FGGY: variants seen among roughly 807,000 people sequenced by gnomAD.
FGGY encodes FGGY carbohydrate kinase domain-containing protein.
Under a neutral mutation model 71.3 loss-of-function variants are expected in FGGY, and 72 were observed. The ratio of observed to expected loss-of-function variants is 1.01; its 90% CI spans 0.84 to 1.23. The LOEUF (loss-of-function observed/expected upper bound fraction) is 1.23, where lower values mean the gene tolerates loss of function less well. Among genes scored for constraint, FGGY ranks in the 50% most tolerant of loss-of-function variants. The probability of loss-of-function intolerance (pLI) is 0.00; values close to 1 mark genes in which losing one functional copy is unlikely to be tolerated. For synonymous variants in FGGY, 251 were observed against 250.3 expected, an observed-to-expected ratio of 1.00 and a Z score of -0.02; for missense variants, 668 against 682.3, an observed-to-expected ratio of 0.98 and a Z score of 0.23.
chr1:59,396,068 T>C (rs1487661687), intron 5 of FGGY, among the ~76,000 whole-genome samples: 2 of 152,204 alleles, frequency 1.3e-5, no homozygotes, highest in Non-Finnish European at 2.9e-5. Context: ...ATGCAAATTC[T>C]GTGGCCTCAC....
At chr1:59,356,612 G>A (rs1050125720) in intron 4 of FGGY, among the ~76,000 whole-genome samples, 5 of 152,100 alleles carry the variant, frequency 3.3e-5, no homozygotes, top group African/African-American at 1.2e-4. Context: ...TATTTTGATG[G>A]GTGGATGAAT....
At chr1:59,429,343 A>G (rs1240035921) in intron 5 of FGGY, among the ~76,000 whole-genome samples, 2 of 152,150 alleles carry the variant, frequency 1.3e-5, no homozygotes, top group Admixed American at 6.5e-5. Context: ...TCTTCGGAGG[A>G]CAAGTGGGAT....
At chr1:59,299,310 G>A (rs777957379) in intron 1 of FGGY, among the ~76,000 whole-genome samples, 4 of 152,238 alleles carry the variant, frequency 2.6e-5, no homozygotes, top group South Asian at 4.1e-4. Context: ...GGAGGCTGGG[G>A]AGGGTGAAGG....
At chr1:59,379,464 TA>T (rs2059113181) in intron 5 of FGGY, among the ~76,000 whole-genome samples, 1 of 152,070 alleles carries the variant, frequency 6.6e-6, no homozygotes, top group Non-Finnish European at 1.5e-5. Context: ...ATGTAAAAGA[TA>T]AAAAGTAGTA....
chr1:59,404,227 G>A (rs1026650667), intron 5 of FGGY, among the ~76,000 whole-genome samples: 17 of 152,056 alleles, frequency 1.1e-4, no homozygotes, highest in African/African-American at 4.1e-4. Flanking sequence ...CCACAGGAGG[G>A]AGAGCATCAG....
chr1:59,320,133 A>G (rs2046137650), intron 1 of FGGY, among the ~76,000 whole-genome samples: 2 of 152,228 alleles, frequency 1.3e-5, no homozygotes, highest in Non-Finnish European at 2.9e-5. Context: ...TTACTTCTGC[A>G]GCTTCTCCAT....
chr1:59,632,601 A>G (rs760870205), intron 10 of FGGY, among the ~76,000 whole-genome samples: 3 of 152,242 alleles, frequency 2.0e-5, no homozygotes, highest in African/African-American at 4.8e-5. Context: ...AAAAAGGACA[A>G]TAACATTTAT....
intron 8 of FGGY, among the ~76,000 whole-genome samples, chr1:59,589,247 T>A (rs1478852704): frequency 6.6e-6 from 1 of 152,174 alleles, no homozygotes; most frequent in Non-Finnish European, 1.5e-5. Flanking sequence ...CCATCCTAAA[T>A]ATATATGCAC....
Position 59,641,427 on chromosome 1 carries a change from G to A in FGGY, c.1221+3052G>A, listed in dbSNP as rs1052308421. The A allele has an allele frequency of 3.3e-6, 4 of 1,211,356 alleles. No individual in the cohort carries two copies. In the African/African-American group the frequency reaches 4.7e-5, roughly 14 times the overall value. The allele number at this position is 1,211,356 out of a possible 1,614,324, so 75.0% of individuals were successfully genotyped here. On this transcript the variant is annotated intron_variant, in intron 11 of 15. Coordinates refer to ENST00000303721, the MANE Select transcript of FGGY (RefSeq NM_018291.5). ...TTGAATACCTGCTATGTGCAGGCCT[G>A]TGCTAAACCCAGGTAATACAAAGAA...
chr1:59,659,391 A>T (rs548461313), intron 11 of FGGY, among the ~76,000 whole-genome samples: 1 of 152,314 alleles, frequency 6.6e-6, no homozygotes, highest in African/African-American at 2.4e-5. Context: ...GCATGTCCAT[A>T]CCTGGTTGAG....
At chr1:59,360,127 GTTATTATTATTA>G (rs200166794) in intron 4 of FGGY, among the ~76,000 whole-genome samples, 8 of 145,710 alleles carry the variant, frequency 5.5e-5, no homozygotes, top group Admixed American at 1.4e-4. Context: ...TTCTATCATT[GTTATTATTATTA>G]TTATTATTAT....
chr1:59,696,252 A>AAAC, intron 14 of FGGY, among the ~76,000 whole-genome samples: 1 of 152,342 alleles, frequency 6.6e-6, no homozygotes. Context: ...GTCCTGGTTT[A>AAAC]TAGACACCCT....
chr1:59,749,508 C>G (rs573559184), intron 14 of FGGY, among the ~76,000 whole-genome samples: 2 of 152,028 alleles, frequency 1.3e-5, no homozygotes, highest in Non-Finnish European at 2.9e-5. Context: ...GAGGAAAAAA[C>G]CCATACATTT....
intron 1 of FGGY, among the ~76,000 whole-genome samples, chr1:59,314,640 A>T (rs1192305987): frequency 6.6e-6 from 1 of 152,224 alleles, no homozygotes; most frequent in Non-Finnish European, 1.5e-5. Flanking sequence ...TGAATAGAAT[A>T]TGGTGACCCT....
intron 5 of FGGY, among the ~76,000 whole-genome samples, chr1:59,395,668 T>G (rs2061242275): frequency 6.6e-6 from 1 of 152,190 alleles, no homozygotes; most frequent in Non-Finnish European, 1.5e-5. Context: ...TTGTGAGTAT[T>G]TTAGATACAT....
rs2071917811 is a variant in FGGY, at chr1:59,448,725, C to G, written c.555-8236C>G. On this transcript the variant is annotated intron_variant, in intron 5 of 15. Coordinates refer to ENST00000303721, the MANE Select transcript of FGGY (RefSeq NM_018291.5). ...CATCCATATAACTGGATGAAAAAGG[C>G]AGATATGGACCCTGCTGTGGGAGGT... is the stretch of plus-strand genomic sequence containing the variant. Among the ~76,000 whole-genome samples, 2 of 152,100 alleles carry G rather than the reference C, an allele frequency of 1.3e-5. 1 individual carries two copies. The highest frequency in any genetic ancestry group is 1.3e-4 in the Admixed American group (2 of 15,274).
At chr1:59,466,211 A>G (rs2092615533) in intron 6 of FGGY, among the ~76,000 whole-genome samples, 1 of 152,128 alleles carries the variant, frequency 6.6e-6, no homozygotes, top group African/African-American at 2.4e-5. Flanking sequence ...CACATCTACA[A>G]CCATCTGATC....
At position 59,346,398 on chromosome 1, in the gene FGGY, G is replaced by T; in HGVS notation, c.465G>T (p.Glu155Asp). The T allele has an allele frequency of 1.9e-6, 3 of 1,611,252 alleles. No individual in the cohort carries two copies. The highest frequency in any genetic ancestry group is 2.5e-6 in the Non-Finnish European group (3 of 1,179,416). Residue 155 changes from glutamate to aspartate, a missense_variant and splice_region_variant, in exon 4 of 16, where the codon GAG (glutamate) becomes GAT (aspartate). Glu to Asp is a conservative substitution (Grantham distance 45, BLOSUM62 2). Transcript: ENST00000303721. ...CCCCGAAACTTCTGTGGCTGAAAGA[G>T]GTGAGTGCATAGGGTCTAAGAGAAG... Reference protein sequence around the residue: ...MQAPKLLWLKENLREICWDKA... With the variant: ...MQAPKLLWLKDNLREICWDKA...
chr1:59,318,971 T>C (rs2153116399), intron 1 of FGGY, among the ~76,000 whole-genome samples: 1 of 152,332 alleles, frequency 6.6e-6, no homozygotes, highest in Middle Eastern at 3.4e-3. Flanking sequence ...ATCTTCTTCC[T>C]GTTTGCAGCT....
Sources: allele counts gnomAD v4.1 joint callset (sites outside exome capture counted in the v4.1 genomes callset), GRCh38; gene constraint gnomAD v4.1.1; transcripts MANE v1.5; gene names NCBI Gene and HGNC (gene_info 2026-07-23, HGNC 2026-07-21).